MAN2A1: variants seen among roughly 807,000 people sequenced by gnomAD.
MAN2A1 encodes mannosidase alpha class 2A member 1.
MAN2A1 carries 76 observed loss-of-function variants against 142.6 expected under a neutral mutation model. The ratio of observed to expected loss-of-function variants is 0.53; its 90% CI spans 0.44 to 0.65. MAN2A1 has a LOEUF of 0.65. MAN2A1 is among the 30% of genes least tolerant of loss of function. The pLI, the probability that MAN2A1 is intolerant of heterozygous loss-of-function variation, is 0.00. For missense variants in MAN2A1, 1,311 were observed against 1,365.1 expected, an observed-to-expected ratio of 0.96 and a Z score of 0.62; for synonymous variants, 559 against 473.2, an observed-to-expected ratio of 1.18 and a Z score of -2.35.
intron 8 of MAN2A1, among the ~76,000 whole-genome samples, chr5:109,777,882 T>C (rs1753338294): frequency 6.6e-6 from 1 of 152,146 alleles, no homozygotes; most frequent in Non-Finnish European, 1.5e-5. Context: ...TGTGTGGGTC[T>C]GTGTCTACAC....
At chr5:109,789,102 C>A in intron 11 of MAN2A1, 54 bp downstream of exon 11, 1 of 886,210 alleles carries the variant, frequency 1.1e-6, no homozygotes, top group Non-Finnish European at 1.8e-6. Flanking sequence ...ATTGTTCTTG[C>A]ATTAGCAAAG....
chr5:109,698,761 A>G (rs745668710), intron 1 of MAN2A1, among the ~76,000 whole-genome samples: 1 of 152,038 alleles, frequency 6.6e-6, no homozygotes, highest in Non-Finnish European at 1.5e-5. Flanking sequence ...GACTTTACCA[A>G]TGATTTTTTT....
chr5:109,833,993 T>G (rs1473098100), intron 16 of MAN2A1, among the ~76,000 whole-genome samples: 1 of 152,044 alleles, frequency 6.6e-6, no homozygotes, highest in Non-Finnish European at 1.5e-5. Flanking sequence ...CTAAAGAAGG[T>G]GAGAGATATG....
At chr5:109,811,661 T>C (rs1407327240) in intron 12 of MAN2A1, among the ~76,000 whole-genome samples, 1 of 151,924 alleles carries the variant, frequency 6.6e-6, no homozygotes, top group African/African-American at 2.4e-5. Flanking sequence ...TGCTATTACA[T>C]ACCTTTGTCT....
intron 5 of MAN2A1, among the ~76,000 whole-genome samples, chr5:109,758,272 C>G (rs995352279): frequency 1.3e-5 from 2 of 152,076 alleles, no homozygotes; most frequent in African/African-American, 4.8e-5. Flanking sequence ...TTCCTAAAGA[C>G]TAGTGGTACT....
Position 109,842,439 on chromosome 5 carries a change from A to T in MAN2A1, c.2678A>T (p.Tyr893Phe). ...SSDIKSQNRFYTDLNGYQIQP... is the reference protein window; with the variant it reads ...SSDIKSQNRFFTDLNGYQIQP... Reference sequence around the variant, plus strand: ...GATATAAAAAGCCAAAATAGATTTTATACTGACCTAAATGGGTACCAGGTA... The same window carrying T: ...GATATAAAAAGCCAAAATAGATTTTTTACTGACCTAAATGGGTACCAGGTA... Residue 893 changes from tyrosine to phenylalanine, a missense_variant, in exon 17 of 22, where the codon TAT (tyrosine) becomes TTT (phenylalanine). By Grantham distance (22) the Tyr-to-Phe change is conservative. Around this residue, in one of 3 missense-constraint regions of MAN2A1, gnomAD observed 890 missense variants for 920.5 expected, o/e 0.97. Coordinates refer to ENST00000261483, the MANE Select transcript of MAN2A1 (RefSeq NM_002372.4). 1 of 1,574,970 alleles carries T rather than the reference A, an allele frequency of 6.3e-7. No homozygotes were observed. The highest frequency in any genetic ancestry group is 8.7e-7 in the Non-Finnish European group (1 of 1,148,322).
chr5:109,757,361 GGTCA>G (rs986765553), intron 5 of MAN2A1, among the ~76,000 whole-genome samples: 4 of 152,024 alleles, frequency 2.6e-5, no homozygotes, highest in African/African-American at 9.7e-5. Flanking sequence ...TAAATGTAGA[GGTCA>G]GTGAGTTTTA....
At chr5:109,749,510 G>C (rs1325301999) in intron 4 of MAN2A1, among the ~76,000 whole-genome samples, 1 of 151,964 alleles carries the variant, frequency 6.6e-6, no homozygotes, top group East Asian at 1.9e-4. Context: ...GACAAGTATT[G>C]TTAATTTTGA....
chr5:109,771,694 G>T (rs1186100298), intron 7 of MAN2A1, among the ~76,000 whole-genome samples: 5 of 152,160 alleles, frequency 3.3e-5, no homozygotes, highest in African/African-American at 4.8e-5. Flanking sequence ...GTGGTGGAAG[G>T]TGTAATAAAA....
intron 12 of MAN2A1, among the ~76,000 whole-genome samples, chr5:109,794,994 A>C (rs956884980): frequency 2.0e-5 from 3 of 152,198 alleles, no homozygotes; most frequent in Non-Finnish European, 2.9e-5. Context: ...CAAAAGACTG[A>C]ATGGAATATG....
Position 109,820,238 on chromosome 5 carries a change from G to A in MAN2A1, c.2347G>A (p.Asp783Asn), listed in dbSNP as rs770163963. ...TCTTTAGCAAATGATGACTAAAGAA[G>A]ATGGTAAACACCATGAAGTAAATGT... is the stretch of plus-strand genomic sequence containing the variant. ...GLMKQMMTKE[D>N]GKHHEVNVQF... is the part of the protein sequence containing the mutation. Residue 783 changes from aspartate to asparagine, a missense_variant, in exon 15 of 22, where the codon GAT becomes AAT. This residue lies in a region of MAN2A1 where 890 missense variants were observed against 920.5 expected (regional missense o/e 0.97). Coordinates refer to ENST00000261483, the MANE Select transcript of MAN2A1 (RefSeq NM_002372.4). The A allele has an allele frequency of 6.2e-7, 1 of 1,607,154 alleles. No individual in the cohort carries two copies. The highest frequency in any genetic ancestry group is 8.5e-7 in the Non-Finnish European group (1 of 1,175,654).
At chr5:109,781,300 CAT>C (rs1490275422) in intron 8 of MAN2A1, 94 bp from the exon 9 acceptor site, 3 of 655,388 alleles carry the variant, frequency 4.6e-6, no homozygotes, top group East Asian at 3.0e-5. Flanking sequence ...CTTGGAAACA[CAT>C]GTTAAATATT....
intron 17 of MAN2A1, among the ~76,000 whole-genome samples, chr5:109,844,763 T>A (rs532685374): frequency 3.9e-5 from 6 of 152,334 alleles, no homozygotes; most frequent in African/African-American, 1.4e-4. Context: ...TCATACAGCG[T>A]TCTCCCTATG....
At chr5:109,824,117 A>G (rs1222091181) in intron 16 of MAN2A1, among the ~76,000 whole-genome samples, 1 of 152,210 alleles carries the variant, frequency 6.6e-6, no homozygotes, top group Middle Eastern at 3.2e-3. Flanking sequence ...TTAACACCTG[A>G]AAACAATACA....
At chr5:109,761,053 AT>A (rs1752829765) in intron 5 of MAN2A1, among the ~76,000 whole-genome samples, 1 of 151,438 alleles carries the variant, frequency 6.6e-6, no homozygotes, top group African/African-American at 2.4e-5. Context: ...TAATCATTTA[AT>A]ACCAGTATAT....
At chr5:109,696,689 A>G (rs1443999145) in intron 1 of MAN2A1, among the ~76,000 whole-genome samples, 3 of 152,214 alleles carry the variant, frequency 2.0e-5, no homozygotes, top group Admixed American at 6.5e-5. Flanking sequence ...GTCTCCAGAC[A>G]CTGCTCTCAA....
intron 10 of MAN2A1, among the ~76,000 whole-genome samples, chr5:109,785,256 A>G (rs1436295365): frequency 1.3e-5 from 2 of 152,112 alleles, no homozygotes; most frequent in African/African-American, 2.4e-5. Context: ...GCATCAAATA[A>G]AACATAGTTA....
chr5:109,854,975 C>T, intron 19 of MAN2A1, 165 bp from the exon 20 acceptor site: 1 of 430,024 alleles, frequency 2.3e-6, no homozygotes, highest in South Asian at 7.7e-5. Flanking sequence ...TTGCTTACAA[C>T]TAAACTTGGT....
At chr5:109,760,445 C>G (rs909386761) in intron 5 of MAN2A1, among the ~76,000 whole-genome samples, 1 of 152,142 alleles carries the variant, frequency 6.6e-6, no homozygotes, top group African/African-American at 2.4e-5. Context: ...AATAAACATA[C>G]ATGTGCATGT....
Sources: allele counts gnomAD v4.1 joint callset (sites outside exome capture counted in the v4.1 genomes callset), GRCh38; gene constraint gnomAD v4.1.1; regional missense constraint gnomAD v4.1.1; transcripts MANE v1.5; gene names NCBI Gene and HGNC (gene_info 2026-07-23, HGNC 2026-07-21).